Variants in GRAMD1B observed in about 807,000 individuals in gnomAD.
GRAMD1B encodes the protein GRAM domain containing 1B, also known as protein Aster-B.
In GRAMD1B, 37 loss-of-function variants were observed where a neutral mutation model predicts 99.7. The observed-to-expected ratio is 0.37, with a 90% CI of 0.29 to 0.49. The LOEUF is 0.49. Among genes scored for constraint, GRAMD1B ranks in the 20% least tolerant of loss-of-function variants. The pLI is 0.98. For synonymous variants in GRAMD1B, 427 were observed against 387.6 expected (o/e 1.10, Z -1.19); for missense variants, 888 against 1,009.2 (o/e 0.88, Z 1.63).
intron 18 of GRAMD1B, 103 bp downstream of exon 18, chr11:123,618,903 C>G (rs1268042340): frequency 1.3e-6 from 1 of 746,596 alleles, no homozygotes; most frequent in East Asian, 2.7e-5. Context: ...TTCCCCATCC[C>G]TCTGGGATGA....
intron 2 of GRAMD1B, among the ~76,000 whole-genome samples, chr11:123,555,880 C>T (rs775579594): frequency 6.6e-6 from 1 of 151,922 alleles, no homozygotes; most frequent in African/African-American, 2.4e-5. Flanking sequence ...ATTATAGGCG[C>T]CCACCACCAC....
chr11:123,596,716 T>TTTTTGC (rs1437040132), intron 7 of GRAMD1B, among the ~76,000 whole-genome samples: 1 of 152,214 alleles, frequency 6.6e-6, no homozygotes, highest in East Asian at 1.9e-4. Context: ...TTGTTGTTGT[T>TTTTTGC]TTTTGCTTTT....
At chr11:123,470,638 C>G (rs754278105) in intron 1 of GRAMD1B, among the ~76,000 whole-genome samples, 1 of 151,662 alleles carries the variant, frequency 6.6e-6, no homozygotes, top group Admixed American at 6.6e-5. Context: ...CTCAGCCTCC[C>G]AAGTAAGAGA....
At chr11:123,567,747 C>T (rs950974970) in intron 2 of GRAMD1B, among the ~76,000 whole-genome samples, 2 of 152,146 alleles carry the variant, frequency 1.3e-5, no homozygotes, top group Non-Finnish European at 2.9e-5. Context: ...GAGACTCCAG[C>T]CATGGTGATG....
At chr11:123,576,454 A>C (rs573215796) in intron 2 of GRAMD1B, among the ~76,000 whole-genome samples, 8 of 152,342 alleles carry the variant, frequency 5.3e-5, no homozygotes, top group African/African-American at 1.9e-4. Context: ...GAAGCAAAGC[A>C]AACATTCAAC....
intron 17 of GRAMD1B, among the ~76,000 whole-genome samples, chr11:123,617,190 G>A: frequency 1.3e-5 from 1 of 74,660 alleles, no homozygotes; most frequent in East Asian, 3.5e-4. Context: ...TTTTTTGTTT[G>A]TTTGTTTGTT....
Position 123,594,176 on chromosome 11 carries a change from G to A in GRAMD1B, c.769+10G>A, listed in dbSNP as rs1489008306. Reference sequence around the variant, plus strand: ...GAGCGCCTCATTGTTGGTGAGTTGGGTGACCTGGGAGGGGATGGGAAGGAA... The same window carrying A: ...GAGCGCCTCATTGTTGGTGAGTTGGATGACCTGGGAGGGGATGGGAAGGAA... On this transcript the variant is annotated intron_variant, in intron 5 of 19. Coordinates refer to ENST00000635736, the MANE Select transcript of GRAMD1B (RefSeq NM_001387025.1). The A allele has an allele frequency of 6.3e-7, 1 of 1,592,656 alleles. No individual in the cohort carries two copies. Among genetic ancestry groups the A allele is most frequent in the African/African-American group, 1.3e-5 (1 of 74,518 alleles).
At chr11:123,424,013 T>G (rs1948555599) in intron 1 of GRAMD1B, among the ~76,000 whole-genome samples, 1 of 152,152 alleles carries the variant, frequency 6.6e-6, no homozygotes, top group African/African-American at 2.4e-5. Context: ...TTCCTCCTTT[T>G]CCTTGCCTAT....
chr11:123,398,640 T>G (rs1333078965), intron 1 of GRAMD1B, among the ~76,000 whole-genome samples: 1 of 152,246 alleles, frequency 6.6e-6, no homozygotes, highest in Admixed American at 6.5e-5. Context: ...TGTAGTGGTA[T>G]CCTATTGTGG....
At position 123,455,564 on chromosome 11, in the gene GRAMD1B, G is replaced by A. The variant is rs540016623; in HGVS notation, c.374+24398G>A. 2.5e-4 allele frequency among the ~76,000 whole-genome samples: 38 copies of A among 152,156 alleles called. No homozygotes were observed. The South Asian group carries it at 6.7e-3, about 27-fold the overall frequency. On this transcript the variant is annotated intron_variant, in intron 1 of 19. Coordinates refer to ENST00000635736, the MANE Select transcript of GRAMD1B (RefSeq NM_001387025.1). ...AACTGCTGCGCTCACCATGCAATAC[G>A]GCATAGTTTGCAAAGCCACGGACTC...
chr11:123,588,775 C>G (rs1342507960), intron 4 of GRAMD1B, among the ~76,000 whole-genome samples: 2 of 152,132 alleles, frequency 1.3e-5, no homozygotes, highest in Non-Finnish European at 2.9e-5. Flanking sequence ...AACAGGCATC[C>G]TTTGAGAGGT....
chr11:123,599,189 GAGTCTGTTAC>G, intron 7 of GRAMD1B: 1 of 770,996 alleles, frequency 1.3e-6, no homozygotes. Context: ...TTATTTGCTT[GAGTCTGTTAC>G]AGAAATCAGA....
chr11:123,609,756 C>T, intron 12 of GRAMD1B, 39 bp from the exon 13 acceptor site: 2 of 1,165,934 alleles, frequency 1.7e-6, no homozygotes, highest in East Asian at 2.5e-5. Context: ...GAGGGCTCTG[C>T]CCTCCCTTCC....
chr11:123,402,102 G>T (rs760337712), intron 1 of GRAMD1B, among the ~76,000 whole-genome samples: 10 of 152,114 alleles, frequency 6.6e-5, no homozygotes, highest in Non-Finnish European at 1.5e-5. Context: ...TGCAACCTCC[G>T]CTTCCCTGGT....
At chr11:123,504,784 C>G (rs11219175) in intron 2 of GRAMD1B, among the ~76,000 whole-genome samples, 18,123 of 152,152 alleles carry the variant, frequency 0.12, 1,457 homozygotes, top group East Asian at 0.43. Context: ...CAGGTTCAAG[C>G]GATTCTCATA....
chr11:123,480,597 A>G (rs1448121307), intron 1 of GRAMD1B: 8 of 355,668 alleles, frequency 2.2e-5, no homozygotes, highest in Non-Finnish European at 4.0e-5. Context: ...TTGGCTGGCA[A>G]CAGACAGTCT....
At position 123,365,471 on chromosome 11, in the gene GRAMD1B, C is replaced by T. The variant is rs1051024516; in HGVS notation, c.-176+6672C>T. On this transcript the variant is annotated intron_variant, in intron 1 of 20. Transcript: ENST00000638157. ...TTCGCCATGTTGGCCAGGCTGGTCTCGAACTCCTGACCTCAGGTGATCCAC... is the reference window on the plus strand; with the variant it reads ...TTCGCCATGTTGGCCAGGCTGGTCTTGAACTCCTGACCTCAGGTGATCCAC... Among the ~76,000 whole-genome samples the T allele has an allele frequency of 1.2e-4, 19 of 152,244 alleles. No homozygotes were observed. The East Asian group carries it at 2.1e-3, about 17-fold the overall frequency.
At chr11:123,471,398 A>G (rs752428334) in intron 1 of GRAMD1B, among the ~76,000 whole-genome samples, 25 of 152,322 alleles carry the variant, frequency 1.6e-4, no homozygotes, top group Non-Finnish European at 1.0e-4. Context: ...CTTAGTACAT[A>G]GTTGATGCTT....
upstream of GRAMD1B, among the ~76,000 whole-genome samples, chr11:123,428,356 G>A (rs554315597): frequency 7.7e-4 from 117 of 152,338 alleles, no homozygotes; most frequent in African/African-American, 2.7e-3. Flanking sequence ...TGGCAGGCCT[G>A]ACACCTGATG....
Sources: gnomAD v4.1 joint callset for allele counts (sites outside exome capture counted in the v4.1 genomes callset) on GRCh38, gnomAD v4.1.1 for gene constraint, MANE v1.5 for transcripts, NCBI Gene and HGNC (gene_info 2026-07-23, HGNC 2026-07-21) for gene names.